The following DCDC1 variants were observed in gnomAD, a reference collection of about 807,000 sequenced individuals.
The protein encoded by DCDC1 is doublecortin domain-containing protein 1.
DCDC1 carries 200 observed loss-of-function variants against 178.3 expected under a neutral mutation model. The ratio of observed to expected loss-of-function variants is 1.12; its 90% CI spans 1.00 to 1.26. DCDC1 has a LOEUF of 1.26. Among genes scored for constraint, DCDC1 ranks in the 50% most tolerant of loss-of-function variants. DCDC1 has a pLI of 0.00. For synonymous variants in DCDC1, 690 were observed against 604.8 expected (o/e 1.14, Z -2.07); for missense variants, 1,983 against 1,749.2 (o/e 1.13, Z -2.38).
intron 20 of DCDC1, among the ~76,000 whole-genome samples, chr11:31,023,049 G>A (rs1272084765): frequency 6.6e-6 from 1 of 151,980 alleles, no homozygotes; most frequent in Non-Finnish European, 1.5e-5. Context: ...GTACCACACA[G>A]CAAAGGCTCC....
intron 20 of DCDC1, among the ~76,000 whole-genome samples, chr11:31,032,451 G>A (rs759142594): frequency 2.0e-5 from 3 of 151,490 alleles, no homozygotes; most frequent in Non-Finnish European, 2.9e-5. Context: ...ATGCATAATC[G>A]AGAAACAAAA....
intron 1 of DCDC1, among the ~76,000 whole-genome samples, chr11:31,354,432 T>G (rs535772859): frequency 6.6e-6 from 1 of 152,364 alleles, no homozygotes; most frequent in South Asian, 2.1e-4. Flanking sequence ...CTAAATCTTC[T>G]GCTTTCACCA....
In DCDC1 at chr11:31,260,704, T is replaced by C. The variant is rs867103573; in HGVS notation, c.1054+4803A>G. Among the ~76,000 whole-genome samples, 3 of 152,188 alleles carry C rather than the reference T, an allele frequency of 2.0e-5. No individual in the cohort carries two copies. The South Asian group carries it at 6.2e-4, about 32-fold the overall frequency. On this transcript the variant is annotated intron_variant, in intron 8 of 38. Coordinates refer to ENST00000684477, the MANE Select transcript of DCDC1 (RefSeq NM_001387274.1). The stretch of plus-strand genomic sequence containing the variant: ...AAGTCCTAACAGACTAAGGATCTCC[T>C]CCCTTGAGAGGGAGAGTGACTCCTC...
chr11:31,011,855 A>G (rs1472830590), intron 20 of DCDC1, among the ~76,000 whole-genome samples: 1 of 152,176 alleles, frequency 6.6e-6, no homozygotes. Context: ...ACTAAAAGAT[A>G]GATTTATATT....
intron 9 of DCDC1, among the ~76,000 whole-genome samples, chr11:31,204,725 G>A (rs1275263396): frequency 6.6e-6 from 1 of 152,198 alleles, no homozygotes; most frequent in East Asian, 1.9e-4. Flanking sequence ...AGGAGGCTGA[G>A]GCAGGAGAAT....
chr11:30,887,810 G>T (rs1200378158), intron 36 of DCDC1, among the ~76,000 whole-genome samples: 4 of 151,934 alleles, frequency 2.6e-5, no homozygotes. Context: ...AGGAGTCTGA[G>T]ACCAACCTGA....
At chr11:31,306,555 T>TA (rs1565586834) in intron 4 of DCDC1, among the ~76,000 whole-genome samples, 167 bp from the exon 5 acceptor site, 1 of 152,006 alleles carries the variant, frequency 6.6e-6, no homozygotes, top group Non-Finnish European at 1.5e-5. Context: ...TGTTACAGAG[T>TA]AACACTCTCA....
intron 7 of DCDC1, among the ~76,000 whole-genome samples, chr11:31,272,062 T>C (rs780013612): frequency 6.6e-6 from 1 of 151,282 alleles, no homozygotes; most frequent in Non-Finnish European, 1.5e-5. Context: ...CTCAGGAGGC[T>C]GAGGCGGGAG....
rs553951222 is a variant in DCDC1, at chr11:30,938,402, C to T, written c.2716-6450G>A. ...CAGCTTTTATCAAGTTTTTAGCAGC[C>T]AGCTCTCACACACAGTTGTGCAGCT... On this transcript the variant is annotated intron_variant, in intron 21 of 38. Coordinates refer to ENST00000684477, the MANE Select transcript of DCDC1 (RefSeq NM_001387274.1). 1.3e-4 allele frequency among the ~76,000 whole-genome samples: 20 copies of T among 152,278 alleles called. No homozygotes were observed. The South Asian group carries it at 1.5e-3, about 11-fold the overall frequency.
Position 31,199,773 on chromosome 11 carries a change from C to T in DCDC1, c.1221+41677G>A, listed in dbSNP as rs576741833. Among the ~76,000 whole-genome samples, 10 of 152,204 alleles carry T rather than the reference C, an allele frequency of 6.6e-5. No homozygotes were observed. In the East Asian group the frequency reaches 1.7e-3, roughly 26 times the overall value. On this transcript the variant is annotated intron_variant, in intron 9 of 38. Coordinates refer to ENST00000684477, the MANE Select transcript of DCDC1 (RefSeq NM_001387274.1). Reference sequence around the variant, plus strand: ...ACATACTTTGTGTCTGATACCAACACTACTCTCAGGTTTGGGTGTTTTGGT... The same window carrying T: ...ACATACTTTGTGTCTGATACCAACATTACTCTCAGGTTTGGGTGTTTTGGT...
At chr11:31,294,839 AAAG>A (rs1947547533) in intron 6 of DCDC1, among the ~76,000 whole-genome samples, 1 of 150,856 alleles carries the variant, frequency 6.6e-6, no homozygotes, top group Non-Finnish European at 1.5e-5. Context: ...AGAAAGAAAG[AAAG>A]AAAGAAAGAA....
intron 18 of DCDC1, among the ~76,000 whole-genome samples, chr11:31,068,395 T>C (rs1204551071): frequency 6.6e-6 from 1 of 152,190 alleles, no homozygotes; most frequent in Non-Finnish European, 1.5e-5. Flanking sequence ...AACAAACATA[T>C]ACATATTACA....
intron 20 of DCDC1, among the ~76,000 whole-genome samples, chr11:30,955,817 C>T (rs1240988002): frequency 6.6e-6 from 1 of 152,182 alleles, no homozygotes; most frequent in Non-Finnish European, 1.5e-5. Flanking sequence ...ATTGCCCCTT[C>T]TCCTTCTCTG....
At position 30,916,907 on chromosome 11, in the gene DCDC1, C is replaced by T. The variant is rs1945880471; in HGVS notation, c.3415G>A (p.Gly1139Arg). ...TGTGGTTCCACATTTTCAAAGAGCCCTTTTTCCGTTTTCTTTGGAAGACTG... is the reference window on the plus strand; with the variant it reads ...TGTGGTTCCACATTTTCAAAGAGCCTTTTTTCCGTTTTCTTTGGAAGACTG... Reference protein sequence around the residue: ...DDSLPKKTEKGLFENVEPQKK... With the variant: ...DDSLPKKTEKRLFENVEPQKK... The change falls in exon 26 of 39, where the codon GGG (glycine) becomes AGG (arginine). Residue 1139 changes from glycine (G) to arginine (R), a missense_variant. Gly to Arg is a moderately radical substitution (Grantham distance 125, BLOSUM62 -2). Coordinates refer to ENST00000684477, the MANE Select transcript of DCDC1 (RefSeq NM_001387274.1). The T allele has an allele frequency of 1.2e-6, 2 of 1,608,346 alleles. No homozygotes were observed. Among genetic ancestry groups the T allele is most frequent in the Non-Finnish European group, 8.5e-7 (1 of 1,177,612 alleles).
chr11:31,176,869 C>A (rs1036125690), intron 9 of DCDC1, among the ~76,000 whole-genome samples: 2 of 152,270 alleles, frequency 1.3e-5, no homozygotes, highest in African/African-American at 2.4e-5. Context: ...GAATTCATCA[C>A]CATTAGGCTG....
intron 9 of DCDC1, among the ~76,000 whole-genome samples, chr11:31,188,708 A>G (rs1252096482): frequency 2.0e-5 from 3 of 152,170 alleles, no homozygotes; most frequent in Non-Finnish European, 4.4e-5. Flanking sequence ...GTGCTTCCCA[A>G]AGGCTGGACT....
intron 9 of DCDC1, among the ~76,000 whole-genome samples, chr11:31,205,962 T>G (rs1345621448): frequency 6.6e-6 from 1 of 152,182 alleles, no homozygotes; most frequent in East Asian, 1.9e-4. Context: ...ATACCTACTA[T>G]GTACACATAA....
chr11:30,929,945 TAAC>T (rs1302032859), intron 22 of DCDC1, among the ~76,000 whole-genome samples: 1 of 151,998 alleles, frequency 6.6e-6, no homozygotes, highest in Non-Finnish European at 1.5e-5. Context: ...AAAGAACCAA[TAAC>T]AACAACAAAA....
At chr11:31,196,134 C>A (rs1970664142) in intron 9 of DCDC1, among the ~76,000 whole-genome samples, 1 of 152,002 alleles carries the variant, frequency 6.6e-6, no homozygotes. Context: ...CTAAATCACA[C>A]ATTTCCTCTT....
Sources: gnomAD v4.1 joint callset for allele counts (sites outside exome capture counted in the v4.1 genomes callset) on GRCh38, gnomAD v4.1.1 for gene constraint, MANE v1.5 for transcripts, NCBI Gene and HGNC (gene_info 2026-07-23, HGNC 2026-07-21) for gene names.